Variants in EYS observed in about 807,000 individuals in gnomAD.
EYS encodes the protein protein eyes shut homolog.
Under a neutral mutation model 282.1 loss-of-function variants are expected in EYS, and 250 were observed. The observed-to-expected ratio is 0.89, with a 90% CI of 0.80 to 0.98. The LOEUF is 0.98. Among genes scored for constraint, EYS ranks in the 50% least tolerant of loss-of-function variants. The pLI is 0.00. For synonymous variants in EYS, 1,355 were observed against 1,282.9 expected, an observed-to-expected ratio of 1.06 and a Z score of -1.20; for missense variants, 4,016 against 3,709.0, an observed-to-expected ratio of 1.08 and a Z score of -2.15.
intron 36 of EYS, among the ~76,000 whole-genome samples, chr6:63,853,506 A>T (rs191840336): frequency 6.6e-6 from 1 of 152,232 alleles, no homozygotes; most frequent in East Asian, 1.9e-4. Context: ...ATGGAAAAAC[A>T]TTCCATGCTC....
chr6:64,055,118 T>C (rs1770936395), intron 33 of EYS, among the ~76,000 whole-genome samples: 1 of 152,166 alleles, frequency 6.6e-6, no homozygotes, highest in African/African-American at 2.4e-5. Flanking sequence ...TTCCCATTTA[T>C]GAAGCTGCAA....
At chr6:64,921,531 A>G (rs1489431438) in intron 15 of EYS, among the ~76,000 whole-genome samples, 1 of 152,218 alleles carries the variant, frequency 6.6e-6, no homozygotes, top group Admixed American at 6.5e-5. Context: ...AAAGTTTATT[A>G]TCTATGATCC....
chr6:65,683,161 T>C (rs951792234), intron 1 of EYS, among the ~76,000 whole-genome samples: 10 of 152,064 alleles, frequency 6.6e-5, no homozygotes, highest in Non-Finnish European at 1.0e-4. Flanking sequence ...GATGTGTTTT[T>C]ATCACTCACG....
chr6:64,898,924 G>C (rs892589233), intron 18 of EYS, among the ~76,000 whole-genome samples: 8 of 151,826 alleles, frequency 5.3e-5, no homozygotes, highest in African/African-American at 1.9e-4. Context: ...AAATATATAT[G>C]CATACAATAC....
intron 12 of EYS, among the ~76,000 whole-genome samples, chr6:65,130,896 C>T (rs1775857073): frequency 6.7e-6 from 1 of 149,680 alleles, no homozygotes; most frequent in African/African-American, 2.4e-5. Flanking sequence ...GCTAAAAAAA[C>T]TGTTTATTGT....
intron 31 of EYS, among the ~76,000 whole-genome samples, chr6:64,192,750 C>G (rs556003056): frequency 6.6e-6 from 1 of 152,248 alleles, no homozygotes; most frequent in Non-Finnish European, 1.5e-5. Context: ...CTAGGCATTA[C>G]TATTCTCTTT....
chr6:64,481,626 C>G (rs979591327), intron 26 of EYS, among the ~76,000 whole-genome samples: 3 of 151,104 alleles, frequency 2.0e-5, no homozygotes, highest in African/African-American at 7.3e-5. Context: ...AATGTTAGTC[C>G]TGAAACAAAC....
At chr6:64,057,773 A>G (rs1227085337) in intron 33 of EYS, among the ~76,000 whole-genome samples, 4 of 152,168 alleles carry the variant, frequency 2.6e-5, no homozygotes, top group Non-Finnish European at 4.4e-5. Context: ...AATCAAACAT[A>G]TTACTTTCAT....
intron 12 of EYS, among the ~76,000 whole-genome samples, chr6:65,222,420 C>G (rs984847689): frequency 1.5e-4 from 23 of 152,278 alleles, no homozygotes; most frequent in African/African-American, 5.3e-4. Flanking sequence ...TGCACATGCT[C>G]TCTTGCCTGC....
chr6:64,043,770 A>C (rs552140399), intron 33 of EYS, among the ~76,000 whole-genome samples: 1 of 152,296 alleles, frequency 6.6e-6, no homozygotes, highest in East Asian at 1.9e-4. Context: ...TGGAGGTCAA[A>C]TCTAAGAGGC....
chr6:64,566,054 A>T (rs191975600), intron 26 of EYS, among the ~76,000 whole-genome samples: 4 of 151,930 alleles, frequency 2.6e-5, no homozygotes, highest in African/African-American at 9.6e-5. Flanking sequence ...TGTAAGAGAA[A>T]TCCTAAATAC....
intron 14 of EYS, among the ~76,000 whole-genome samples, chr6:64,969,024 A>G (rs570991685): frequency 4.4e-4 from 66 of 151,652 alleles, no homozygotes; most frequent in African/African-American, 1.5e-3. Flanking sequence ...CAAATTGTCT[A>G]TTTCTCTTTC....
intron 22 of EYS, among the ~76,000 whole-genome samples, chr6:64,714,774 C>T (rs1771328387): frequency 6.6e-6 from 1 of 152,054 alleles, no homozygotes; most frequent in Non-Finnish European, 1.5e-5. Context: ...GATCCGCCTG[C>T]CTCGGCCTCC....
chr6:64,623,822 G>A (rs1055849714), intron 23 of EYS, among the ~76,000 whole-genome samples: 4 of 152,058 alleles, frequency 2.6e-5, no homozygotes, highest in Non-Finnish European at 5.9e-5. Context: ...ACACAAGAGA[G>A]TTAATTTTAC....
intron 26 of EYS, among the ~76,000 whole-genome samples, chr6:64,566,106 A>G (rs904355668): frequency 2.6e-5 from 4 of 152,066 alleles, no homozygotes; most frequent in Non-Finnish European, 2.9e-5. Flanking sequence ...TCTCTTTTCA[A>G]GCTATAGGTG....
At chr6:65,174,175 A>T (rs538417308) in intron 12 of EYS, among the ~76,000 whole-genome samples, 18 of 151,460 alleles carry the variant, frequency 1.2e-4, no homozygotes, top group African/African-American at 4.3e-4. Context: ...TACACAGCTT[A>T]TAATGACCAC....
chr6:65,490,764 T>C, intron 4 of EYS, 57 bp from the exon 5 acceptor site: 1 of 892,432 alleles, frequency 1.1e-6, no homozygotes, highest in Non-Finnish European at 1.9e-6. Flanking sequence ...TAACCATCAG[T>C]TTTCCCTCAA....
intron 28 of EYS, among the ~76,000 whole-genome samples, chr6:64,415,149 G>T (rs999239845): frequency 6.6e-6 from 1 of 152,174 alleles, no homozygotes; most frequent in African/African-American, 2.4e-5. Context: ...TCTGGGTGTT[G>T]CCAACCAACA....
chr6:64,304,474 C>T (rs958607052), intron 30 of EYS, among the ~76,000 whole-genome samples: 1 of 152,116 alleles, frequency 6.6e-6, no homozygotes, highest in Non-Finnish European at 1.5e-5. Flanking sequence ...ACAACAACAA[C>T]AGCATACACA....
Sources: gnomAD v4.1 joint callset for allele counts (sites outside exome capture counted in the v4.1 genomes callset) on GRCh38, gnomAD v4.1.1 for gene constraint, MANE v1.5 for transcripts, NCBI Gene and HGNC (gene_info 2026-07-23, HGNC 2026-07-21) for gene names.